Variants in PTPRD observed in about 807,000 individuals in gnomAD.
PTPRD encodes the protein protein tyrosine phosphatase receptor type D.
Under a neutral mutation model 214.5 loss-of-function variants are expected in PTPRD, and 34 were observed. The ratio of observed to expected loss-of-function variants is 0.16; its 90% CI spans 0.12 to 0.21. The LOEUF is 0.21. Among genes scored for constraint, PTPRD ranks in the 10% least tolerant of loss-of-function variants. PTPRD has a pLI of 1.00. For missense variants in PTPRD, 2,545 were observed against 2,398.7 expected, an observed-to-expected ratio of 1.06 and a Z score of -1.27; for synonymous variants, 1,128 against 845.7, an observed-to-expected ratio of 1.33 and a Z score of -5.79.
Position 10,236,830 on chromosome 9 carries a change from A to C in PTPRD, c.-545+104133T>G, listed in dbSNP as rs555657933. Among the ~76,000 whole-genome samples, 8 of 152,060 alleles carry C rather than the reference A, an allele frequency of 5.3e-5. No individual in the cohort carries two copies. The South Asian group carries it at 1.5e-3, about 28-fold the overall frequency. On this transcript the variant is annotated intron_variant, in intron 3 of 45. Transcript: ENST00000381196. ...ATTGCATAATCCAGTAACTATGTAC[A>C]ATATTTTAATATTTTAAGGTTAATT...
chr9:10,005,920 G>A (rs1332623174), intron 4 of PTPRD, among the ~76,000 whole-genome samples: 1 of 151,816 alleles, frequency 6.6e-6, no homozygotes, highest in African/African-American at 2.4e-5. Context: ...GTCAAATGAG[G>A]AAATATTACA....
At chr9:9,508,386 A>G (rs1435354758) in intron 8 of PTPRD, among the ~76,000 whole-genome samples, 1 of 151,484 alleles carries the variant, frequency 6.6e-6, no homozygotes, top group Non-Finnish European at 1.5e-5. Context: ...ACCTTTCGTG[A>G]GTAGAAATTA....
At chr9:9,322,367 G>T (rs762556639) in intron 9 of PTPRD, among the ~76,000 whole-genome samples, 7 of 152,092 alleles carry the variant, frequency 4.6e-5, no homozygotes, top group Non-Finnish European at 8.8e-5. Flanking sequence ...TTTCCTGTGA[G>T]AAGAGTATAT....
chr9:9,817,034 G>C (rs1477982672), intron 5 of PTPRD, among the ~76,000 whole-genome samples: 1 of 152,018 alleles, frequency 6.6e-6, no homozygotes, highest in South Asian at 2.1e-4. Flanking sequence ...CTGTAAATAA[G>C]TAAATTACCA....
intron 4 of PTPRD, among the ~76,000 whole-genome samples, chr9:9,987,278 G>C (rs976258279): frequency 2.0e-5 from 3 of 152,132 alleles, no homozygotes; most frequent in African/African-American, 7.2e-5. Context: ...TAATTTCATA[G>C]ATTAGAATTT....
chr9:10,497,764 C>T (rs1016131), intron 2 of PTPRD, among the ~76,000 whole-genome samples: 38,356 of 151,710 alleles, frequency 0.25, 5,154 homozygotes, highest in Middle Eastern at 0.4. Flanking sequence ...TATATATTTA[C>T]GAATGAAAGA....
chr9:9,876,444 T>A (rs1273102753), intron 5 of PTPRD, among the ~76,000 whole-genome samples: 3 of 152,096 alleles, frequency 2.0e-5, no homozygotes, highest in African/African-American at 7.2e-5. Flanking sequence ...TGTGAATGTC[T>A]CTTCAGGGCA....
chr9:8,460,278 T>A (rs1460625283), intron 33 of PTPRD, 133 bp downstream of exon 33: 1 of 1,106,324 alleles, frequency 9.0e-7, no homozygotes, highest in Non-Finnish European at 1.4e-6. Flanking sequence ...TGTAAACACT[T>A]TTCCAAAAAT....
At chr9:8,663,471 T>C (rs572091389) in intron 12 of PTPRD, among the ~76,000 whole-genome samples, 35 of 151,988 alleles carry the variant, frequency 2.3e-4, no homozygotes, top group Non-Finnish European at 4.0e-4. Flanking sequence ...TGATTGAGGA[T>C]TTTAATAGTG....
intron 10 of PTPRD, among the ~76,000 whole-genome samples, chr9:9,093,670 G>A (rs960368218): frequency 4.0e-5 from 6 of 150,852 alleles, no homozygotes; most frequent in African/African-American, 1.2e-4. Context: ...AAATTTGGGC[G>A]GGGGGGCGGA....
chr9:9,137,659 A>G (rs1043197293), intron 10 of PTPRD, among the ~76,000 whole-genome samples: 3 of 152,144 alleles, frequency 2.0e-5, no homozygotes, highest in Non-Finnish European at 2.9e-5. Context: ...ACTATAACAA[A>G]TTTATTAAGC....
rs139835888 is a variant in PTPRD, at chr9:10,314,106, G to T, written c.-545+26857C>A. Among the ~76,000 whole-genome samples the T allele has an allele frequency of 9.9e-4, 150 of 152,004 alleles. No homozygotes were observed. The East Asian group carries it at 0.017, about 18-fold the overall frequency. On this transcript the variant is annotated intron_variant, in intron 3 of 45. Transcript: ENST00000381196. ...AATAAATGTGAATTTTAATCTTCAGGTAGAGAAGATATTCAGAATGTTACG... is the reference window on the plus strand; with the variant it reads ...AATAAATGTGAATTTTAATCTTCAGTTAGAGAAGATATTCAGAATGTTACG...
intron 12 of PTPRD, among the ~76,000 whole-genome samples, chr9:8,721,155 G>A (rs143178747): frequency 0.012 from 1,862 of 151,850 alleles, 17 homozygotes; most frequent in Non-Finnish European, 0.02. Flanking sequence ...CTGGCTGGGC[G>A]TAGTGGCTCA....
chr9:8,540,895 T>C (rs1273689430), intron 14 of PTPRD, among the ~76,000 whole-genome samples: 1 of 152,188 alleles, frequency 6.6e-6, no homozygotes, highest in Non-Finnish European at 1.5e-5. Flanking sequence ...GTAACAGTTT[T>C]TATAGTTTTA....
At chr9:8,394,840 T>A (rs2090655682) in intron 36 of PTPRD, among the ~76,000 whole-genome samples, 1 of 152,118 alleles carries the variant, frequency 6.6e-6, no homozygotes, top group African/African-American at 2.4e-5. Context: ...CTTCACATCT[T>A]GATTGGAACC....
In PTPRD at chr9:10,090,489, C is replaced by A. The variant is rs575348657; in HGVS notation, c.-544-56699G>T. Among the ~76,000 whole-genome samples, 10 of 151,308 alleles carry A rather than the reference C, an allele frequency of 6.6e-5. 1 individual carries two copies. Among genetic ancestry groups the A allele is most frequent in the African/African-American group, 1.9e-4 (8 of 41,370 alleles). On this transcript the variant is annotated intron_variant, in intron 3 of 45. Transcript: ENST00000381196. ...AACCTCTGGGAAAAATAAAGCCATT[C>A]ACCATGATTTTAACAACTTTATTTT...
intron 3 of PTPRD, among the ~76,000 whole-genome samples, chr9:10,092,850 A>G (rs1323302296): frequency 3.3e-5 from 5 of 151,414 alleles, no homozygotes; most frequent in Non-Finnish European, 7.4e-5. Flanking sequence ...AAGCAATGGG[A>G]AAAAGACTCC....
At chr9:8,329,893 T>TCAGA (rs1406268217) in intron 44 of PTPRD, among the ~76,000 whole-genome samples, 1 of 150,274 alleles carries the variant, frequency 6.7e-6, no homozygotes, top group Non-Finnish European at 1.5e-5. Flanking sequence ...CAGGTGGACC[T>TCAGA]CAGACAGCTG....
chr9:10,401,238 T>A (rs2098264730), intron 2 of PTPRD, among the ~76,000 whole-genome samples: 1 of 151,680 alleles, frequency 6.6e-6, no homozygotes, highest in African/African-American at 2.4e-5. Flanking sequence ...TTGTGCTACT[T>A]TATTTTATTT....
Sources: allele counts gnomAD v4.1 joint callset (sites outside exome capture counted in the v4.1 genomes callset), GRCh38; gene constraint gnomAD v4.1.1; transcripts MANE v1.5; gene names NCBI Gene and HGNC (gene_info 2026-07-23, HGNC 2026-07-21).